SCUBE1: variants seen among roughly 807,000 people sequenced by gnomAD.
The protein encoded by SCUBE1 is signal peptide, CUB domain and EGF like domain containing 1, also known as signal peptide, CUB and EGF-like domain-containing protein 1.
A neutral mutation model predicts 124.4 loss-of-function variants in SCUBE1; 59 were observed. The observed-to-expected ratio is 0.47, with a 90% CI of 0.38 to 0.59. SCUBE1 has a LOEUF of 0.59. Among genes scored for constraint, SCUBE1 ranks in the 20% least tolerant of loss-of-function variants. SCUBE1 has a pLI of 0.00. For synonymous variants in SCUBE1, 545 were observed against 550.9 expected, an observed-to-expected ratio of 0.99 and a Z score of 0.15; for missense variants, 1,150 against 1,371.2, an observed-to-expected ratio of 0.84 and a Z score of 2.55.
chr22:43,210,564 C>T lies in SCUBE1; in HGVS notation c.2384-324G>A, dbSNP rs1169974080. Among the ~76,000 whole-genome samples, 1 of 152,212 alleles carries T rather than the reference C, an allele frequency of 6.6e-6. No individual in the cohort carries two copies. The highest frequency in any genetic ancestry group is 1.5e-5 in the Non-Finnish European group (1 of 68,022). ...TCAGGGGCACTGAGAGGGCCTGGAG[C>T]CCTGCTCTCTCTAGAGGCCCTGTCA... On this transcript the variant is annotated intron_variant, in intron 18 of 21. Transcript: ENST00000360835. This position sits in a 1 kb window ranked among gnomAD's most constrained non-coding sequence, Gnocchi z 4.5.
In SCUBE1 at chr22:43,204,002, TG is replaced by T; in HGVS notation, c.2961del (p.Tyr987Ter). 1 of 1,614,054 alleles carries T rather than the reference TG, an allele frequency of 6.2e-7. No individual in the cohort carries two copies. The highest frequency in any genetic ancestry group is 8.5e-7 in the Non-Finnish European group (1 of 1,179,990). On this transcript the variant is annotated frameshift_variant, in exon 22 of 22. Coordinates refer to ENST00000360835, the MANE Select transcript of SCUBE1 (RefSeq NM_173050.5). LOFTEE classifies it high-confidence loss of function. ...GGCAGGGCCGCTCCCCCCGGTTATT[TG>T]TAGGGCCGCAGGAACCGAGACACTT... ...RSKVSRFLRPYK is the reference protein window; with the variant it reads ...RSKVSRFLRPXK
intron 6 of SCUBE1, among the ~76,000 whole-genome samples, chr22:43,245,389 G>A (rs1050266048): frequency 3.9e-5 from 6 of 152,202 alleles, no homozygotes; most frequent in African/African-American, 9.7e-5. Context: ...GGGGGGTGCC[G>A]GCTGGGTCTG....
At chr22:43,300,960 T>C (rs77364709) in intron 3 of SCUBE1, among the ~76,000 whole-genome samples, 2,287 of 152,306 alleles carry the variant, frequency 0.015, 29 homozygotes, top group African/African-American at 0.032. Flanking sequence ...GGCCGCGTGC[T>C]GAACTCCCAA....
intron 16 of SCUBE1, among the ~76,000 whole-genome samples, chr22:43,212,940 C>T (rs1048654536): frequency 1.4e-4 from 22 of 152,074 alleles, no homozygotes; most frequent in African/African-American, 4.3e-4. Context: ...GGGCTGTCCC[C>T]GGGGGGTAGG....
intron 3 of SCUBE1, among the ~76,000 whole-genome samples, chr22:43,308,460 T>C (rs1926055336): frequency 6.6e-6 from 1 of 152,252 alleles, no homozygotes; most frequent in African/African-American, 2.4e-5. Context: ...TACATTAAGA[T>C]GATCAGCATT....
intron 3 of SCUBE1, among the ~76,000 whole-genome samples, chr22:43,294,640 TGCCCAG>T (rs1399165657): frequency 6.6e-6 from 1 of 152,254 alleles, no homozygotes; most frequent in African/African-American, 2.4e-5. Context: ...CTGTGGGCGA[TGCCCAG>T]GCCTTATCCC....
At chr22:43,338,894 ACT>A (rs1384363149) in intron 2 of SCUBE1, among the ~76,000 whole-genome samples, 1 of 152,138 alleles carries the variant, frequency 6.6e-6, no homozygotes, top group Non-Finnish European at 1.5e-5. Context: ...GCACCCCATG[ACT>A]CTAACTCCAC....
chr22:43,237,162 C>T (rs1922802473), intron 7 of SCUBE1, among the ~76,000 whole-genome samples: 1 of 152,154 alleles, frequency 6.6e-6, no homozygotes, highest in African/African-American at 2.4e-5. Flanking sequence ...GAGCGCCACC[C>T]TACCCTCAGA....
At chr22:43,239,589 G>C (rs11704831) in intron 6 of SCUBE1, among the ~76,000 whole-genome samples, 1 of 152,270 alleles carries the variant, frequency 6.6e-6, no homozygotes, top group African/African-American at 2.4e-5. Flanking sequence ...AAAGGGGCTA[G>C]AGTGGCTCAG....
chr22:43,274,254 C>T (rs938589306), intron 4 of SCUBE1, among the ~76,000 whole-genome samples: 2 of 152,176 alleles, frequency 1.3e-5, no homozygotes, highest in South Asian at 2.1e-4. Context: ...AAATACAGGA[C>T]GCCTCATTCA....
chr22:43,334,678 T>C (rs1013854730), intron 2 of SCUBE1, among the ~76,000 whole-genome samples: 1 of 152,022 alleles, frequency 6.6e-6, no homozygotes, highest in Non-Finnish European at 1.5e-5. Context: ...ATCAACATTA[T>C]CATCGCCATC....
At chr22:43,294,726 G>C in intron 3 of SCUBE1, among the ~76,000 whole-genome samples, 1 of 152,268 alleles carries the variant, frequency 6.6e-6, no homozygotes, top group East Asian at 1.9e-4. Flanking sequence ...GAATGCCTGT[G>C]GTGTGTGCAG....
chr22:43,312,073 A>G (rs905581623), intron 3 of SCUBE1, among the ~76,000 whole-genome samples: 1 of 152,218 alleles, frequency 6.6e-6, no homozygotes, highest in Non-Finnish European at 1.5e-5. Flanking sequence ...TGCCCGTGCT[A>G]CCACTTTCTG....
At chr22:43,244,154 G>T (rs886499208) in intron 6 of SCUBE1, among the ~76,000 whole-genome samples, 5 of 151,882 alleles carry the variant, frequency 3.3e-5, no homozygotes, top group Non-Finnish European at 7.4e-5. Context: ...CTCTCACACT[G>T]CCCACCTCCC....
chr22:43,231,932 C>T (rs946362133), intron 7 of SCUBE1, 57 bp from the exon 8 acceptor site: 2 of 1,595,884 alleles, frequency 1.3e-6, no homozygotes, highest in East Asian at 2.3e-5. Flanking sequence ...CTTGTGTGAC[C>T]AGCGGGGGGA....
intron 19 of SCUBE1, among the ~76,000 whole-genome samples, chr22:43,209,127 C>T (rs1921428427): frequency 6.6e-6 from 1 of 152,202 alleles, no homozygotes; most frequent in Admixed American, 6.5e-5. Context: ...CATCCGTCTA[C>T]TCATTAGCTA....
chr22:43,304,970 C>A (rs1455557469), intron 3 of SCUBE1, among the ~76,000 whole-genome samples: 1 of 152,144 alleles, frequency 6.6e-6, no homozygotes, highest in East Asian at 1.9e-4. Context: ...CTCAGAGGCC[C>A]CTCACCTGCA....
chr22:43,298,270 G>A (rs1925638021), intron 3 of SCUBE1, among the ~76,000 whole-genome samples: 1 of 152,230 alleles, frequency 6.6e-6, no homozygotes, highest in Admixed American at 6.5e-5. Context: ...CAGGCGGCAG[G>A]AGGTATGCCT....
At chr22:43,237,185 G>A (rs552814734) in intron 7 of SCUBE1, among the ~76,000 whole-genome samples, 2 of 152,318 alleles carry the variant, frequency 1.3e-5, no homozygotes, top group South Asian at 4.1e-4. Flanking sequence ...CAGAACCAGA[G>A]TGGGAGGAAA....
Sources: gnomAD v4.1 joint callset for allele counts (sites outside exome capture counted in the v4.1 genomes callset) on GRCh38, gnomAD v4.1.1 for gene constraint, Gnocchi (gnomAD v3.1) non-coding constraint, MANE v1.5 for transcripts, NCBI Gene and HGNC (gene_info 2026-07-23, HGNC 2026-07-21) for gene names.